The following PLEKHG4B variants were observed in gnomAD, a reference collection of about 807,000 sequenced individuals.
PLEKHG4B encodes the protein pleckstrin homology domain-containing family G member 4B.
In PLEKHG4B, 111 loss-of-function variants were observed where a neutral mutation model predicts 121.3. The ratio of observed to expected loss-of-function variants is 0.92; its 90% CI spans 0.78 to 1.07. The LOEUF is 1.07. Ranked by LOEUF, PLEKHG4B falls within the 50% of genes least tolerant of loss-of-function variation. The pLI is 0.00. For missense variants in PLEKHG4B, 1,831 were observed against 1,757.8 expected, an observed-to-expected ratio of 1.04 and a Z score of -0.74; for synonymous variants, 738 against 725.0, an observed-to-expected ratio of 1.02 and a Z score of -0.29.
Position 156,559 on chromosome 5 carries a change from C to A in PLEKHG4B, c.2349-214C>A, listed in dbSNP as rs1380347722. Among the ~76,000 whole-genome samples, 2 of 152,070 alleles carry A rather than the reference C, an allele frequency of 1.3e-5. No individual in the cohort carries two copies. The highest frequency in any genetic ancestry group is 2.9e-5 in the Non-Finnish European group (2 of 68,018). On this transcript the variant is annotated intron_variant, in intron 10 of 19. Coordinates refer to ENST00000637938, the MANE Select transcript of PLEKHG4B (RefSeq NM_052909.5). The surrounding 1 kb of genome is among the most constrained non-coding windows in gnomAD (Gnocchi z 4.4). ...CGCCTAAGCTGCCCCACCTGGGTCCCCTCCAGGCACCTGCAACCCAGGCCG... is the reference window on the plus strand; with the variant it reads ...CGCCTAAGCTGCCCCACCTGGGTCCACTCCAGGCACCTGCAACCCAGGCCG...
At chr5:170,621 C>T (rs1579322485) in intron 14 of PLEKHG4B, among the ~76,000 whole-genome samples, 1 of 152,108 alleles carries the variant, frequency 6.6e-6, no homozygotes, top group Non-Finnish European at 1.5e-5. Flanking sequence ...TTAAAAGGTG[C>T]TTTTAGACAT....
At position 156,136 on chromosome 5, in the gene PLEKHG4B, T is replaced by C. The variant is rs1481851205; in HGVS notation, c.2274T>C (p.Leu758=). The part of the protein sequence containing the change: ...MMKLVLEDPL[L]VSLRLEGGTV... ...AGCTTGTCCTGGAAGACCCACTGCT[T>C]GTGTCTCTCAGGCTGGAGGGGGGCA... is the stretch of plus-strand genomic sequence containing the variant. Residue 758 remains leucine, a synonymous_variant, in exon 10 of 20, where the codon CTT becomes CTC. Transcript: ENST00000637938. This position sits in a 1 kb window ranked among gnomAD's most constrained non-coding sequence, Gnocchi z 4.4. 1.3e-6 allele frequency: 2 copies of C among 1,596,252 alleles called. No homozygotes were observed. The highest frequency in any genetic ancestry group is 1.7e-6 in the Non-Finnish European group (2 of 1,171,550).
chr5:110,554 A>C (rs1422705508), intron 1 of PLEKHG4B, among the ~76,000 whole-genome samples: 1 of 146,192 alleles, frequency 6.8e-6, no homozygotes. Flanking sequence ...ACGTGCACAC[A>C]CCCACGCAAT....
chr5:131,576 G>A lies in PLEKHG4B; in HGVS notation c.244-7907G>A, dbSNP rs138790189. Among the ~76,000 whole-genome samples the A allele has an allele frequency of 8.3e-3, 1,271 of 152,260 alleles. 23 individuals carry two copies. The highest frequency in any genetic ancestry group is 0.029 in the African/African-American group (1,203 of 41,534). On this transcript the variant is annotated intron_variant, in intron 2 of 19. Transcript: ENST00000637938. ...GTGAATAGTGCCGCAGTAAACATACGTGTGCATGTGTCTTTATAGTAGCAT... is the reference window on the plus strand; with the variant it reads ...GTGAATAGTGCCGCAGTAAACATACATGTGCATGTGTCTTTATAGTAGCAT...
At chr5:145,549 A>G (rs1357636545) in intron 6 of PLEKHG4B, among the ~76,000 whole-genome samples, 1 of 152,152 alleles carries the variant, frequency 6.6e-6, no homozygotes, top group Non-Finnish European at 1.5e-5. Flanking sequence ...TTTACTAGAG[A>G]TGGGGTTTCG....
chr5:107,458 G>C (rs1222138852), intron 1 of PLEKHG4B, among the ~76,000 whole-genome samples: 2 of 152,190 alleles, frequency 1.3e-5, no homozygotes, highest in South Asian at 2.1e-4. Flanking sequence ...GAGGAAGAAG[G>C]GGCTGCTAGG....
At chr5:164,274 A>C (rs1736157477) in intron 13 of PLEKHG4B, among the ~76,000 whole-genome samples, 1 of 152,246 alleles carries the variant, frequency 6.6e-6, no homozygotes, top group Admixed American at 6.5e-5. Context: ...ACTTCAGCTC[A>C]CCAGGCATTA....
intron 1 of PLEKHG4B, among the ~76,000 whole-genome samples, chr5:98,782 A>G: frequency 7.0e-6 from 1 of 142,698 alleles, no homozygotes. Flanking sequence ...CGATTACTGT[A>G]GCTTTGTAAT....
In PLEKHG4B at chr5:155,334, A is replaced by G. The variant is rs367873627; in HGVS notation, c.2110-11A>G. On this transcript the variant is annotated splice_polypyrimidine_tract_variant and intron_variant, in intron 8 of 19. Coordinates refer to ENST00000637938, the MANE Select transcript of PLEKHG4B (RefSeq NM_052909.5). Reference sequence around the variant, plus strand: ...TGTTCTTATAATCTCCTCCCTCTCAACTCACAACAGAGGCTGGAACACTTC... The same window carrying G: ...TGTTCTTATAATCTCCTCCCTCTCAGCTCACAACAGAGGCTGGAACACTTC... The G allele has an allele frequency of 3.7e-6, 6 of 1,609,356 alleles. No homozygotes were observed. The highest frequency in any genetic ancestry group is 3.3e-5 in the Admixed American group (2 of 59,988).
rs780654174 is a variant in PLEKHG4B at position 169,340 on chromosome 5, C to G, written c.3477C>G (p.Ser1159Arg). 6.2e-7 allele frequency: 1 copy of G among 1,613,690 alleles called. No individual in the cohort carries two copies. Among genetic ancestry groups the G allele is most frequent in the Non-Finnish European group, 8.5e-7 (1 of 1,179,754 alleles). The change falls in exon 14 of 20, where the codon AGC (serine) becomes AGG (arginine). Residue 1159 changes from serine to arginine, a missense_variant and splice_region_variant. By Grantham distance (110) the Ser-to-Arg change is moderately radical (BLOSUM62 -1). Coordinates refer to ENST00000637938, the MANE Select transcript of PLEKHG4B (RefSeq NM_052909.5). ...CCCCCGGGATCTCTGTGTCTTCCAG[C>G]AGCCGACTGAGGCACATCATGGCCG... The part of the protein sequence containing the change: ...AEEDGRQQVG[S>R]SRLRHIMAEM...
In PLEKHG4B at chr5:169,521, C is replaced by T. The variant is rs1008792265; in HGVS notation, c.3658C>T (p.Gln1220Ter). 1 of 1,614,008 alleles carries T rather than the reference C, an allele frequency of 6.2e-7. No individual in the cohort carries two copies. The highest frequency in any genetic ancestry group is 1.3e-5 in the African/African-American group (1 of 74,956). ...NLEKLHDFHQQHFLRELERCQ... is the reference protein window; with the variant it reads ...NLEKLHDFHQ ...GGAGAAGCTCCACGACTTCCACCAG[C>T]AGCACTTCCTCCGGGAGCTGGAGCG... The change falls in exon 14 of 20, where the codon CAG becomes TAG. Residue 1220 changes from glutamine to a stop codon, truncating the protein, a stop_gained. Transcript: ENST00000637938. LOFTEE classifies it high-confidence loss of function.
intron 1 of PLEKHG4B, among the ~76,000 whole-genome samples, chr5:108,248 G>C (rs1734034610): frequency 6.6e-6 from 1 of 152,230 alleles, no homozygotes; most frequent in Non-Finnish European, 1.5e-5. Context: ...GGCTTTTGGT[G>C]ATTGCTGAAC....
At position 161,921 on chromosome 5, in the gene PLEKHG4B, C is replaced by T. The variant is rs372619983; in HGVS notation, c.2626C>T (p.Arg876Cys). ...CREGELARWT[R>C]SSELCETVSS... ...GGAGGGAGAGCTGGCCAGGTGGACC[C>T]GCTCGTCCGAGTTGTGCGAGACGGT... Residue 876 changes from arginine to cysteine, a missense_variant, in exon 12 of 20, where the codon CGC (arginine) becomes TGC (cysteine). Arg to Cys is a radical substitution (Grantham distance 180). Coordinates refer to ENST00000637938, the MANE Select transcript of PLEKHG4B (RefSeq NM_052909.5). The T allele has an allele frequency of 1.0e-4, 165 of 1,612,540 alleles. No homozygotes were observed. Among genetic ancestry groups the T allele is most frequent in the South Asian group, 2.9e-4 (26 of 91,036 alleles).
At position 164,952 on chromosome 5, in the gene PLEKHG4B, A is replaced by AATGCTGTGACGGGGCGGAGCT. The variant is rs1736247439; in HGVS notation, c.3476+1404_3476+1405insATGCTGTGACGGGGCGGAGCT. ...CTAATGCTGTGACGGGGCGGGGCTT[A>AATGCTGTGACGGGGCGGAGCT]CACACTAATGCTCTGACGGGGCGGA... On this transcript the variant is annotated intron_variant, in intron 13 of 19. Transcript: ENST00000637938. Among the ~76,000 whole-genome samples, 2 of 37,894 alleles carry AATGCTGTGACGGGGCGGAGCT rather than the reference A, an allele frequency of 5.3e-5. 1 individual carries two copies. Among genetic ancestry groups the AATGCTGTGACGGGGCGGAGCT allele is most frequent in the Non-Finnish European group, 1.2e-4 (2 of 16,374 alleles). 24.9% of individuals were successfully genotyped at this position (37,894 alleles called of 152,430 possible). A position where few individuals can be genotyped will look rare whatever the true frequency, so the allele number is the denominator to read the frequency against.
At chr5:122,239 G>A (rs889275308) in intron 2 of PLEKHG4B, among the ~76,000 whole-genome samples, 8 of 151,936 alleles carry the variant, frequency 5.3e-5, no homozygotes, top group African/African-American at 1.9e-4. Context: ...ACAAAGAATA[G>A]ATTGAACAAA....
At chr5:149,745 T>C (rs1735541897) in intron 6 of PLEKHG4B, among the ~76,000 whole-genome samples, 2 of 152,326 alleles carry the variant, frequency 1.3e-5, no homozygotes, top group South Asian at 4.1e-4. Context: ...AAAGAAGATA[T>C]ATATGTGGCT....
chr5:143,653 GC>G, intron 5 of PLEKHG4B, 150 bp downstream of exon 5: 1 of 969,932 alleles, frequency 1.0e-6, no homozygotes, highest in Non-Finnish European at 1.5e-6. Flanking sequence ...GCACCCATGT[GC>G]TTCCAGCCTT....
chr5:101,376 T>C (rs1234930336), intron 1 of PLEKHG4B, among the ~76,000 whole-genome samples: 1 of 120,070 alleles, frequency 8.3e-6, no homozygotes, highest in South Asian at 2.5e-4. Context: ...TGTTGTGAGG[T>C]TAATCCATAT....
At position 154,944 on chromosome 5, in the gene PLEKHG4B, G is replaced by C. The variant is rs753020603; in HGVS notation, c.2062G>C (p.Asp688His). 9.3e-6 allele frequency: 15 copies of C among 1,613,506 alleles called. No homozygotes were observed. In the Admixed American group the frequency reaches 2.5e-4, roughly 27 times the overall value. The change falls in exon 8 of 20, where the codon GAC becomes CAC. Residue 688 changes from aspartate to histidine, a missense_variant. By Grantham distance (81) the Asp-to-His change is moderately conservative. Transcript: ENST00000637938. ...CAGCTGCCAGCTGACCGCAGACCTC[G>C]ACGGCTCCTTTCCCTACAGCCATGG... The part of the protein sequence containing the change: ...VDSCQLTADL[D>H]GSFPYSHGDW...
Sources: allele counts gnomAD v4.1 joint callset (sites outside exome capture counted in the v4.1 genomes callset), GRCh38; gene constraint gnomAD v4.1.1; non-coding constraint Gnocchi (gnomAD v3.1); transcripts MANE v1.5; gene names NCBI Gene and HGNC (gene_info 2026-07-23, HGNC 2026-07-21).